BRINP3: variants seen among roughly 807,000 people sequenced by gnomAD.
The protein encoded by BRINP3 is BMP/retinoic acid inducible neural specific 3, also known as BMP/retinoic acid-inducible neural-specific protein 3.
Under a neutral mutation model 71.0 loss-of-function variants are expected in BRINP3, and 19 were observed. That is an observed-to-expected ratio of 0.27 (90% CI 0.19 to 0.39). The LOEUF (loss-of-function observed/expected upper bound fraction) is 0.39, where lower values mean the gene tolerates loss of function less well. BRINP3 is among the 10% of genes least tolerant of loss of function. The pLI, the probability that BRINP3 is intolerant of heterozygous loss-of-function variation, is 1.00. For synonymous variants in BRINP3, 380 were observed against 337.7 expected (o/e 1.13, Z -1.37); for missense variants, 959 against 940.8 (o/e 1.02, Z -0.25).
At chr1:190,167,534 G>A (rs985241263) in intron 6 of BRINP3, among the ~76,000 whole-genome samples, 1 of 152,146 alleles carries the variant, frequency 6.6e-6, no homozygotes, top group Non-Finnish European at 1.5e-5. Flanking sequence ...AGTACAGAAT[G>A]AATGTGAGAC....
chr1:190,268,562 C>A (rs1661843444), intron 3 of BRINP3, among the ~76,000 whole-genome samples: 1 of 151,980 alleles, frequency 6.6e-6, no homozygotes, highest in African/African-American at 2.4e-5. Flanking sequence ...AAAATGTAAA[C>A]CTAGAAGAGA....
intron 7 of BRINP3, among the ~76,000 whole-genome samples, chr1:190,106,666 A>C (rs2102264864): frequency 6.6e-6 from 1 of 151,410 alleles, no homozygotes; most frequent in Non-Finnish European, 1.5e-5. Flanking sequence ...ACATATATTT[A>C]TTTATTATTA....
At chr1:190,411,663 A>G (rs1221970713) in intron 2 of BRINP3, among the ~76,000 whole-genome samples, 2 of 152,142 alleles carry the variant, frequency 1.3e-5, no homozygotes, top group African/African-American at 4.8e-5. Context: ...ACTAAGGTCT[A>G]TTTTTCTCCC....
chr1:190,146,284 C>T (rs1465599990), intron 7 of BRINP3, among the ~76,000 whole-genome samples: 1 of 152,128 alleles, frequency 6.6e-6, no homozygotes, highest in Non-Finnish European at 1.5e-5. Context: ...CTAATCTGGA[C>T]TTTGTTAAAC....
chr1:190,417,860 C>A (rs1673111367), intron 2 of BRINP3, among the ~76,000 whole-genome samples: 1 of 152,096 alleles, frequency 6.6e-6, no homozygotes, highest in Non-Finnish European at 1.5e-5. Flanking sequence ...TAATAACTTA[C>A]AAAAATAGTT....
At chr1:190,398,108 G>C (rs926718717) in intron 2 of BRINP3, among the ~76,000 whole-genome samples, 21 of 151,830 alleles carry the variant, frequency 1.4e-4, no homozygotes, top group Non-Finnish European at 1.3e-4. Context: ...ACCCAAAAGT[G>C]ATTTAATTTT....
At chr1:190,378,238 C>T (rs1670305142) in intron 2 of BRINP3, among the ~76,000 whole-genome samples, 1 of 152,146 alleles carries the variant, frequency 6.6e-6, no homozygotes, top group South Asian at 2.1e-4. Flanking sequence ...CAGAAAGTCT[C>T]CTGGCACCTC....
chr1:190,278,161 G>T (rs1571611144), intron 3 of BRINP3, among the ~76,000 whole-genome samples: 1 of 151,602 alleles, frequency 6.6e-6, no homozygotes, highest in Admixed American at 6.6e-5. Flanking sequence ...AACTGATAGT[G>T]AGTATTTTAT....
At chr1:190,360,650 G>T (rs898604015) in intron 2 of BRINP3, among the ~76,000 whole-genome samples, 18 of 152,162 alleles carry the variant, frequency 1.2e-4, no homozygotes, top group African/African-American at 4.3e-4. Flanking sequence ...TTTTAACTGG[G>T]GAAGTCAATG....
At chr1:190,405,411 A>G (rs2102379193) in intron 2 of BRINP3, among the ~76,000 whole-genome samples, 1 of 134,052 alleles carries the variant, frequency 7.5e-6, no homozygotes, top group South Asian at 2.5e-4. Flanking sequence ...AGATAATGCC[A>G]CTGCACTCCA....
chr1:190,321,000 C>T (rs911332863), intron 2 of BRINP3, among the ~76,000 whole-genome samples: 6 of 151,982 alleles, frequency 3.9e-5, no homozygotes, highest in Non-Finnish European at 4.4e-5. Flanking sequence ...TCTGTATATA[C>T]GCACATTTCC....
chr1:190,153,669 G>T (rs1656613171), intron 7 of BRINP3, among the ~76,000 whole-genome samples: 1 of 152,074 alleles, frequency 6.6e-6, no homozygotes, highest in Admixed American at 6.6e-5. Context: ...ATATATAAAT[G>T]CAATTTTTAA....
intron 7 of BRINP3, among the ~76,000 whole-genome samples, chr1:190,103,908 C>T (rs887488552): frequency 7.0e-6 from 1 of 143,328 alleles, no homozygotes; most frequent in African/African-American, 2.5e-5. Flanking sequence ...GGGCCAGTCA[C>T]TTTTTTTTTT....
chr1:190,243,685 T>G (rs1185940742), intron 4 of BRINP3, among the ~76,000 whole-genome samples: 1 of 152,080 alleles, frequency 6.6e-6, no homozygotes, highest in Non-Finnish European at 1.5e-5. Context: ...GCATTTCCCT[T>G]GCACTCTGGT....
chr1:190,320,018 G>A (rs2103047718), intron 2 of BRINP3, among the ~76,000 whole-genome samples: 1 of 151,418 alleles, frequency 6.6e-6, no homozygotes, highest in East Asian at 1.9e-4. Context: ...TGATATACGT[G>A]TGTGTGTGTG....
chr1:190,361,265 G>T lies in BRINP3; in HGVS notation c.237-79515C>A, dbSNP rs538242794. Reference sequence around the variant, plus strand: ...GGAGATATTAATCAAGTAGGTTTTTGATGAAATAACTCTAACATAATTTCC... The same window carrying T: ...GGAGATATTAATCAAGTAGGTTTTTTATGAAATAACTCTAACATAATTTCC... On this transcript the variant is annotated intron_variant, in intron 2 of 7. Coordinates refer to ENST00000367462, the MANE Select transcript of BRINP3 (RefSeq NM_199051.3). Among the ~76,000 whole-genome samples the T allele has an allele frequency of 2.0e-4, 30 of 152,162 alleles. No individual in the cohort carries two copies. The East Asian group carries it at 5.6e-3, about 29-fold the overall frequency.
At chr1:190,172,586 C>G (rs1297442617) in intron 6 of BRINP3, among the ~76,000 whole-genome samples, 1 of 152,198 alleles carries the variant, frequency 6.6e-6, no homozygotes, top group South Asian at 2.1e-4. Flanking sequence ...GGTAGCTGTG[C>G]TAACTTGTTT....
chr1:190,466,139 G>GTT (rs397949306), intron 1 of BRINP3, among the ~76,000 whole-genome samples: 188 of 147,098 alleles, frequency 1.3e-3, no homozygotes, highest in Middle Eastern at 3.5e-3. Context: ...GTTTTACAAA[G>GTT]TTTTTTTTTT....
intron 3 of BRINP3, among the ~76,000 whole-genome samples, chr1:190,277,119 T>TATA (rs1401150849): frequency 2.6e-4 from 7 of 26,970 alleles, no homozygotes; most frequent in Admixed American, 4.8e-4. Flanking sequence ...ATATATATAT[T>TATA]TATATTCAGA....
Sources: gnomAD v4.1 joint callset for allele counts (sites outside exome capture counted in the v4.1 genomes callset) on GRCh38, gnomAD v4.1.1 for gene constraint, MANE v1.5 for transcripts, NCBI Gene and HGNC (gene_info 2026-07-23, HGNC 2026-07-21) for gene names.